The following CHIC1 variants were observed in gnomAD, a reference collection of about 807,000 sequenced individuals.
CHIC1 encodes the protein cysteine-rich hydrophobic domain-containing protein 1.
CHIC1 carries 7 observed loss-of-function variants against 18.5 expected under a neutral mutation model. The observed-to-expected ratio is 0.38, with a 90% CI of 0.22 to 0.71. CHIC1 has a LOEUF of 0.71. CHIC1 is among the 30% of genes least tolerant of loss of function. CHIC1 has a pLI of 0.49. For synonymous variants in CHIC1, 77 were observed against 73.5 expected (o/e 1.05, Z -0.25); for missense variants, 159 against 176.9 (o/e 0.90, Z 0.57).
intron 3 of CHIC1, among the ~76,000 whole-genome samples, chrX:73,595,968 G>A (rs2057606088): frequency 9.0e-6 from 1 of 111,719 alleles, no homozygotes; most frequent in African/African-American, 3.3e-5. Flanking sequence ...CTTCAAGAAT[G>A]TCTTCTTTTG....
chrX:73,656,291 G>A (rs1409470838), intron 3 of CHIC1, among the ~76,000 whole-genome samples: 1 of 111,616 alleles, frequency 9.0e-6, no homozygotes, highest in African/African-American at 3.3e-5. Flanking sequence ...CTGTGCAGAA[G>A]CTCTTTAGTT....
intron 3 of CHIC1, among the ~76,000 whole-genome samples, chrX:73,653,521 A>G (rs765690379): frequency 9.8e-5 from 11 of 111,842 alleles, no homozygotes; most frequent in African/African-American, 2.9e-4. Context: ...CTTTTTGTGC[A>G]AGATTGCTTT....
chrX:73,572,208 G>A (rs928775481), intron 1 of CHIC1, among the ~76,000 whole-genome samples: 1 of 111,054 alleles, frequency 9.0e-6, no homozygotes, highest in Non-Finnish European at 1.9e-5. Flanking sequence ...GAGAACATGC[G>A]GTATTTGGTT....
intron 3 of CHIC1, among the ~76,000 whole-genome samples, chrX:73,676,117 G>A (rs2058061263): frequency 8.9e-6 from 1 of 112,034 alleles, no homozygotes; most frequent in Non-Finnish European, 1.9e-5. Context: ...AGTCTGATGG[G>A]CTTCCCTTTG....
intron 3 of CHIC1, among the ~76,000 whole-genome samples, chrX:73,617,912 T>C (rs994266180): frequency 1.9e-4 from 21 of 112,201 alleles, no homozygotes; most frequent in African/African-American, 6.8e-4. Context: ...GGGTAGACTA[T>C]GTCAGAGGGA....
intron 3 of CHIC1, among the ~76,000 whole-genome samples, chrX:73,601,540 G>C (rs1303043325): frequency 9.4e-6 from 1 of 106,371 alleles, no homozygotes; most frequent in African/African-American, 3.7e-5. Flanking sequence ...ATACCAGAAT[G>C]TCTGGGACGC....
intron 3 of CHIC1, among the ~76,000 whole-genome samples, chrX:73,677,480 A>G (rs1432244035): frequency 2.7e-5 from 3 of 111,165 alleles, no homozygotes; most frequent in African/African-American, 9.8e-5. Context: ...TTACAGTTTG[A>G]TCTCGGACTG....
chrX:73,653,695 G>A (rs2057928791), intron 3 of CHIC1, among the ~76,000 whole-genome samples: 2 of 112,140 alleles, frequency 1.8e-5, no homozygotes, highest in Admixed American at 9.5e-5. Context: ...ATTAGCATGG[G>A]CTGTCTTTCC....
In CHIC1 at chrX:73,684,201, A is replaced by G. The variant is rs2058111679; in HGVS notation, c.*3196A>G. On this transcript the variant is annotated 3_prime_UTR_variant, in exon 6 of 6. Coordinates refer to ENST00000373502, the MANE Select transcript of CHIC1 (RefSeq NM_001039840.4). ...GAACCGGACTATCAGTCACTTAAAA[A>G]AACAGTATAATTCTAATGCTAGTAA... is the stretch of plus-strand genomic sequence containing the variant. 1 of 111,233 alleles carries G rather than the reference A, an allele frequency of 9.0e-6. No homozygotes were observed. The highest frequency in any genetic ancestry group is 3.3e-5 in the African/African-American group (1 of 30,700). 9.2% of individuals were successfully genotyped at this position (111,233 alleles called of 1,213,427 possible). A position where few individuals can be genotyped will look rare whatever the true frequency, so the allele number is the denominator to read the frequency against.
chrX:73,572,612 C>T (rs1473273847), intron 1 of CHIC1, among the ~76,000 whole-genome samples: 1 of 110,822 alleles, frequency 9.0e-6, no homozygotes, highest in Non-Finnish European at 1.9e-5. Context: ...TCTCAGCAGC[C>T]CCGCCAACAT....
intron 3 of CHIC1, among the ~76,000 whole-genome samples, chrX:73,670,999 GT>G (rs1305655530): frequency 8.9e-6 from 1 of 112,086 alleles, no homozygotes; most frequent in Non-Finnish European, 1.9e-5. Context: ...TGGATGAAAT[GT>G]TTTGTAAATG....
At chrX:73,665,409 C>T (rs2057999618) in intron 3 of CHIC1, among the ~76,000 whole-genome samples, 2 of 111,462 alleles carry the variant, frequency 1.8e-5, no homozygotes, top group South Asian at 7.6e-4. Flanking sequence ...CAGAGCTCTA[C>T]ATCTACCATA....
At chrX:73,602,106 A>G (rs1301286030) in intron 3 of CHIC1, among the ~76,000 whole-genome samples, 1 of 107,054 alleles carries the variant, frequency 9.3e-6, no homozygotes, top group African/African-American at 3.7e-5. Context: ...GCCCAGGGCC[A>G]GATGGATTCA....
intron 3 of CHIC1, among the ~76,000 whole-genome samples, chrX:73,649,714 G>C (rs1194677814): frequency 1.8e-5 from 2 of 111,808 alleles, no homozygotes; most frequent in Admixed American, 1.9e-4. Flanking sequence ...CCTACAAAGA[G>C]ACTTAGACTC....
At chrX:73,591,498 T>C (rs2057581788) in intron 3 of CHIC1, among the ~76,000 whole-genome samples, 2 of 111,705 alleles carry the variant, frequency 1.8e-5, no homozygotes, top group African/African-American at 3.2e-5. Flanking sequence ...TTTGCAAATA[T>C]TTTCTCTCAG....
At chrX:73,607,891 A>C (rs1603342969) in intron 3 of CHIC1, among the ~76,000 whole-genome samples, 1 of 107,419 alleles carries the variant, frequency 9.3e-6, no homozygotes, top group Non-Finnish European at 1.9e-5. Context: ...TGCCTCCTGC[A>C]CTGATCTCGC....
At chrX:73,642,130 C>T (rs144780612) in intron 3 of CHIC1, among the ~76,000 whole-genome samples, 1 of 111,768 alleles carries the variant, frequency 8.9e-6, no homozygotes. Flanking sequence ...TTTACAATCC[C>T]ACCAACAGTG....
At chrX:73,577,825 A>G (rs1256456517) in intron 2 of CHIC1, among the ~76,000 whole-genome samples, 1 of 110,400 alleles carries the variant, frequency 9.1e-6, no homozygotes, top group Non-Finnish European at 1.9e-5. Context: ...TTAAAGTACC[A>G]TATGGTATGA....
At chrX:73,656,394 G>A (rs1326685056) in intron 3 of CHIC1, among the ~76,000 whole-genome samples, 1 of 111,760 alleles carries the variant, frequency 8.9e-6, no homozygotes, top group Admixed American at 9.5e-5. Context: ...TTCCTGAATG[G>A]TGTTGCCTAG....
Sources: allele counts gnomAD v4.1 joint callset (sites outside exome capture counted in the v4.1 genomes callset), GRCh38; gene constraint gnomAD v4.1.1; transcripts MANE v1.5; gene names NCBI Gene and HGNC (gene_info 2026-07-23, HGNC 2026-07-21).